The following TNRC6A variants were observed in gnomAD, a reference collection of about 807,000 sequenced individuals.
TNRC6A encodes trinucleotide repeat-containing gene 6A protein.
Under a neutral mutation model 221.2 loss-of-function variants are expected in TNRC6A, and 44 were observed. The ratio of observed to expected loss-of-function variants is 0.20; its 90% confidence interval spans 0.16 to 0.26. TNRC6A has a LOEUF of 0.26. TNRC6A is among the 10% of genes least tolerant of loss of function. The pLI is 1.00. For missense variants in TNRC6A, 2,199 were observed against 2,404.4 expected (o/e 0.91, Z 1.79); for synonymous variants, 847 against 838.5 (o/e 1.01, Z -0.18).
chr16:24,743,448 C>T (rs1238810017), intron 2 of TNRC6A, among the ~76,000 whole-genome samples: 1 of 152,108 alleles, frequency 6.6e-6, no homozygotes, highest in Non-Finnish European at 1.5e-5. Flanking sequence ...GCCTCATCCT[C>T]TCGAGTAGTT....
intron 2 of TNRC6A, among the ~76,000 whole-genome samples, chr16:24,746,609 C>T (rs1332942369): frequency 6.6e-6 from 1 of 152,084 alleles, no homozygotes; most frequent in Non-Finnish European, 1.5e-5. Flanking sequence ...TTGTACGGTT[C>T]CTTTTTCAGA....
At chr16:24,627,353 T>C (rs1226444104) in intron 1 of TNRC6A, among the ~76,000 whole-genome samples, 2 of 152,104 alleles carry the variant, frequency 1.3e-5, no homozygotes, top group East Asian at 3.9e-4. Context: ...GCAAATTATT[T>C]ATTCCCGTGT....
intron 2 of TNRC6A, among the ~76,000 whole-genome samples, chr16:24,687,806 GAGAGGA>G (rs370554977): frequency 1.4e-5 from 1 of 73,076 alleles, no homozygotes; most frequent in African/African-American, 4.9e-5. Flanking sequence ...GAAGGAGAAG[GAGAGGA>G]AGAGGAAGAG....
intron 1 of TNRC6A, among the ~76,000 whole-genome samples, chr16:24,631,912 G>T (rs1901362129): frequency 6.6e-6 from 1 of 151,664 alleles, no homozygotes; most frequent in Admixed American, 6.6e-5. Flanking sequence ...AGGCTGTAGT[G>T]CAGTGACTAG....
At chr16:24,651,323 G>T (rs1454973343) in intron 2 of TNRC6A, among the ~76,000 whole-genome samples, 11 of 151,920 alleles carry the variant, frequency 7.2e-5, no homozygotes, top group Admixed American at 7.2e-4. Context: ...CAGATCACCT[G>T]AGGTTGGGAG....
chr16:24,713,451 A>AAC (rs149988461), intron 2 of TNRC6A, among the ~76,000 whole-genome samples: 67 of 96,502 alleles, frequency 6.9e-4, no homozygotes, highest in African/African-American at 1.5e-3. Flanking sequence ...CAAACAAACA[A>AAC]AAAAATATAT....
intron 1 of TNRC6A, among the ~76,000 whole-genome samples, chr16:24,616,009 G>A (rs1156864696): frequency 3.9e-5 from 6 of 151,976 alleles, no homozygotes; most frequent in Non-Finnish European, 7.4e-5. Context: ...CCTGGGCAAC[G>A]GAGCAAGACC....
intron 2 of TNRC6A, among the ~76,000 whole-genome samples, chr16:24,673,118 T>C (rs1173100348): frequency 6.6e-6 from 1 of 152,024 alleles, no homozygotes; most frequent in Non-Finnish European, 1.5e-5. Flanking sequence ...TGTGGAAGAA[T>C]TGCTCGAGGC....
chr16:24,638,715 A>C (rs989635415), intron 1 of TNRC6A, among the ~76,000 whole-genome samples: 4 of 152,106 alleles, frequency 2.6e-5, no homozygotes, highest in African/African-American at 9.7e-5. Flanking sequence ...TGTCTCAAAA[A>C]AAAAAACAAA....
At chr16:24,683,890 T>C (rs995473899) in intron 2 of TNRC6A, among the ~76,000 whole-genome samples, 2 of 152,188 alleles carry the variant, frequency 1.3e-5, no homozygotes, top group Non-Finnish European at 2.9e-5. Context: ...TCTCTTCCCC[T>C]TCAAAGGTAC....
intron 2 of TNRC6A, among the ~76,000 whole-genome samples, chr16:24,747,576 A>G (rs1406960966): frequency 3.3e-5 from 5 of 152,188 alleles, no homozygotes; most frequent in Admixed American, 1.3e-4. Flanking sequence ...CAGATGTCTT[A>G]AGTGAGTCTC....
upstream of TNRC6A, chr16:24,729,549 T>C: frequency 2.7e-6 from 1 of 375,174 alleles, no homozygotes; most frequent in Non-Finnish European, 4.7e-6. Flanking sequence ...GCCGGGGCGG[T>C]TGCCAAGGAC....
Position 24,825,002 on chromosome 16 carries a change from C to G in TNRC6A, c.*1195C>G, listed in dbSNP as rs2058842016. ...CAATAGGTAATAATTTTTTGTAATCCCATCAAGTGGCTCCATATGTTTCTG... is the reference window on the plus strand; with the variant it reads ...CAATAGGTAATAATTTTTTGTAATCGCATCAAGTGGCTCCATATGTTTCTG... On this transcript the variant is annotated 3_prime_UTR_variant, in exon 25 of 25. Transcript: ENST00000395799. 1 of 152,472 alleles carries G rather than the reference C, an allele frequency of 6.6e-6. No homozygotes were observed. The highest frequency in any genetic ancestry group is 1.9e-4 in the East Asian group (1 of 5,176). The allele number at this position is 152,472 out of a possible 1,614,324, so 9.4% of individuals were successfully genotyped here. A position where few individuals can be genotyped will look rare whatever the true frequency, so the allele number is the denominator to read the frequency against.
At chr16:24,723,573 G>A (rs2056446495) in intron 2 of TNRC6A, among the ~76,000 whole-genome samples, 1 of 131,054 alleles carries the variant, frequency 7.6e-6, no homozygotes, top group Non-Finnish European at 1.6e-5. Context: ...CAGACTGGGT[G>A]ACAGAGCAAG....
Position 24,823,996 on chromosome 16 carries a change from A to C in TNRC6A, c.*189A>C. 2.2e-6 allele frequency: 1 copy of C among 460,912 alleles called. No homozygotes were observed. The highest frequency in any genetic ancestry group is 3.5e-6 in the Non-Finnish European group (1 of 282,556). The allele number at this position is 460,912 out of a possible 1,614,324, so 28.6% of individuals were successfully genotyped here. The stretch of plus-strand genomic sequence containing the variant: ...TGCAGGCCAATATTATAATGTGAAA[A>C]GGTATCTACTCTATTTACACTCCCA... On this transcript the variant is annotated 3_prime_UTR_variant, in exon 25 of 25. Coordinates refer to ENST00000395799, the MANE Select transcript of TNRC6A (RefSeq NM_014494.4). This position sits in a 1 kb window ranked among gnomAD's most constrained non-coding sequence, Gnocchi z 4.3.
In TNRC6A at chr16:24,824,027, C is replaced by T. The variant is rs1373273486; in HGVS notation, c.*220C>T. On this transcript the variant is annotated 3_prime_UTR_variant, in exon 25 of 25. Transcript: ENST00000395799. ...CTACTCTATTTACACTCCCAAATAG[C>T]GCCATACATGCTAAACCGTAGAGAA... 4 of 373,890 alleles carry T rather than the reference C, an allele frequency of 1.1e-5. No individual in the cohort carries two copies. The highest frequency in any genetic ancestry group is 1.9e-5 in the Non-Finnish European group (4 of 212,480). The allele number at this position is 373,890 out of a possible 1,614,324, so 23.2% of individuals were successfully genotyped here.
rs915380014 is a variant in TNRC6A at position 24,691,692 on chromosome 16, C to T, written n.402+50683C>T. On this transcript the variant is annotated intron_variant and non_coding_transcript_variant, in intron 2 of 2. Transcript: ENST00000566108. ...CTGAGGTGGGAGGATCACTTGAACC[C>T]GGGAGGCAGAAGTTGCAGTGAGCTG... Among the ~76,000 whole-genome samples, 7 of 151,842 alleles carry T rather than the reference C, an allele frequency of 4.6e-5. No individual in the cohort carries two copies. The East Asian group carries it at 5.8e-4, about 13-fold the overall frequency.
In TNRC6A at chr16:24,750,918, T is replaced by C. The variant is rs1459383874; in HGVS notation, c.141+105T>C. The C allele has an allele frequency of 2.8e-6, 3 of 1,069,566 alleles. No homozygotes were observed. The East Asian group carries it at 8.6e-5, about 31-fold the overall frequency. 66.3% of individuals were successfully genotyped at this position (1,069,566 alleles called of 1,614,324 possible). Reference sequence around the variant, plus strand: ...CATTTATTTGATTTAATGTTTTAGCTTTAATGGAGATTCATTTTAATATTT... The same window carrying C: ...CATTTATTTGATTTAATGTTTTAGCCTTAATGGAGATTCATTTTAATATTT... On this transcript the variant is annotated intron_variant, in intron 3 of 24. Transcript: ENST00000395799.
upstream of TNRC6A, among the ~76,000 whole-genome samples, chr16:24,727,321 G>A (rs547929640): frequency 1.5e-3 from 227 of 152,194 alleles, no homozygotes; most frequent in Middle Eastern, 3.4e-3. Context: ...GAGCCACCGC[G>A]CCTGGCCAAG....
Sources: gnomAD v4.1 joint callset for allele counts (sites outside exome capture counted in the v4.1 genomes callset) on GRCh38, gnomAD v4.1.1 for gene constraint, Gnocchi (gnomAD v3.1) non-coding constraint, MANE v1.5 for transcripts, NCBI Gene and HGNC (gene_info 2026-07-23, HGNC 2026-07-21) for gene names.